Variants in XIRP2 observed in about 807,000 individuals in gnomAD.
XIRP2 encodes xin actin-binding repeat-containing protein 2.
In XIRP2, 236 loss-of-function variants were observed where a neutral mutation model predicts 277.0. That is an observed-to-expected ratio of 0.85 (90% CI 0.77 to 0.95). The LOEUF (loss-of-function observed/expected upper bound fraction) is 0.95. XIRP2 is among the 40% of genes least tolerant of loss of function. The pLI, the probability that XIRP2 is intolerant of heterozygous loss-of-function variation, is 0.00. For synonymous variants in XIRP2, 1,490 were observed against 1,416.5 expected (o/e 1.05, Z -1.17); for missense variants, 4,640 against 4,157.5 (o/e 1.12, Z -3.19).
chr2:167,250,551 A>G lies in XIRP2; in HGVS notation c.9159A>G (p.Ser3053=), dbSNP rs1048292607. The change falls in exon 9 of 11, where the codon TCA becomes TCG. Residue 3053 remains serine (S), a synonymous_variant. Coordinates refer to ENST00000409195, the MANE Select transcript of XIRP2 (RefSeq NM_152381.6). ...AACCCACTAGTCTTGATGAAACATC[A>G]TCCAAAGTATCTAATGTTCATGTCA... ...GNKPTSLDET[S]SKVSNVHVSN... 6 of 1,613,712 alleles carry G rather than the reference A, an allele frequency of 3.7e-6. No homozygotes were observed. The highest frequency in any genetic ancestry group is 4.2e-6 in the Non-Finnish European group (5 of 1,179,744).
In XIRP2 at chr2:167,251,247, C is replaced by T. The variant is rs755958864; in HGVS notation, c.9855C>T (p.Pro3285=). Residue 3285 remains proline (P), a synonymous_variant, in exon 9 of 11, where the codon CCC becomes CCT. Transcript: ENST00000409195. ...TAAATTCCACTGATCACATGGTGCC[C>T]GACACTGAAAGTTATGATGCAGTTG... The part of the protein sequence containing the change: ...DGLNSTDHMV[P]DTESYDAVEI... 6.8e-6 allele frequency: 11 copies of T among 1,613,468 alleles called. No homozygotes were observed. The highest frequency in any genetic ancestry group is 2.7e-5 in the African/African-American group (2 of 74,918).
intron 3 of XIRP2, among the ~76,000 whole-genome samples, chr2:167,164,149 C>A (rs557066780): frequency 1.4e-3 from 218 of 152,168 alleles, no homozygotes; most frequent in African/African-American, 4.8e-3. Flanking sequence ...TTAGAATTAA[C>A]TTGTGAATTG....
At chr2:166,935,360 A>T (rs1387923910) in intron 2 of XIRP2, among the ~76,000 whole-genome samples, 1 of 152,220 alleles carries the variant, frequency 6.6e-6, no homozygotes, top group Non-Finnish European at 1.5e-5. Context: ...ATAGAAGTAC[A>T]GATAGCTAGA....
chr2:167,136,371 A>G (rs1241823680), intron 3 of XIRP2, among the ~76,000 whole-genome samples: 1 of 152,190 alleles, frequency 6.6e-6, no homozygotes, highest in Non-Finnish European at 1.5e-5. Flanking sequence ...AACTTTTGTG[A>G]AAATAAAAGG....
At position 167,048,661 on chromosome 2, in the gene XIRP2, T is replaced by C. The variant is rs1265959905; in HGVS notation, c.409-87248T>C. On this transcript the variant is annotated intron_variant, in intron 2 of 10. Coordinates refer to ENST00000409195, the MANE Select transcript of XIRP2 (RefSeq NM_152381.6). ...AAATTGCCTAAATCAGATCACTGAATAAACTTGTTATAAGGGGATTTCAAA... is the reference window on the plus strand; with the variant it reads ...AAATTGCCTAAATCAGATCACTGAACAAACTTGTTATAAGGGGATTTCAAA... 2.0e-5 allele frequency among the ~76,000 whole-genome samples: 3 copies of C among 151,862 alleles called. No individual in the cohort carries two copies. The East Asian group carries it at 5.8e-4, about 29-fold the overall frequency.
At chr2:166,906,863 G>T (rs1489524329) in intron 2 of XIRP2, among the ~76,000 whole-genome samples, 2 of 152,096 alleles carry the variant, frequency 1.3e-5, no homozygotes, top group South Asian at 2.1e-4. Context: ...TGAGCAAGGG[G>T]TTGCTATGAT....
At position 167,250,843 on chromosome 2, in the gene XIRP2, G is replaced by C. The variant is rs189318877; in HGVS notation, c.9451G>C (p.Val3151Leu). Residue 3151 changes from valine to leucine, a missense_variant, in exon 9 of 11, where the codon GTT becomes CTT. By Grantham distance (32) the Val-to-Leu change is conservative. Transcript: ENST00000409195. ...LSQSPKKDSY[V>L]EPPPRRPMSQ... is the part of the protein sequence containing the mutation. ...TCAGTCCCCTAAAAAGGACAGTTAT[G>C]TTGAACCCCCACCAAGAAGGCCCAT... 790 of 1,613,428 alleles carry C rather than the reference G, an allele frequency of 4.9e-4. 3 individuals are homozygous for C. The African/African-American group carries it at 9.1e-3, about 19-fold the overall frequency.
intron 3 of XIRP2, among the ~76,000 whole-genome samples, chr2:167,209,555 GTC>G (rs1693960658): frequency 6.6e-6 from 1 of 152,012 alleles, no homozygotes; most frequent in African/African-American, 2.4e-5. Flanking sequence ...TACCCTGTAA[GTC>G]CCAGAAACTA....
chr2:166,908,042 C>CT (rs1684577985), intron 2 of XIRP2, among the ~76,000 whole-genome samples: 1 of 151,920 alleles, frequency 6.6e-6, no homozygotes, highest in African/African-American at 2.4e-5. Flanking sequence ...GGTTCCAAGT[C>CT]TTTGCTATTG....
intron 2 of XIRP2, among the ~76,000 whole-genome samples, chr2:167,122,838 A>G (rs1378348632): frequency 1.3e-5 from 2 of 152,178 alleles, no homozygotes; most frequent in Non-Finnish European, 2.9e-5. Context: ...TTTTGAGAAC[A>G]TGTCTTACTG....
At chr2:167,114,268 C>T (rs1251679019) in intron 2 of XIRP2, among the ~76,000 whole-genome samples, 3 of 152,090 alleles carry the variant, frequency 2.0e-5, no homozygotes, top group Non-Finnish European at 1.5e-5. Context: ...GACGCCAATG[C>T]GTCATAGATG....
intron 2 of XIRP2, among the ~76,000 whole-genome samples, chr2:166,917,807 C>T (rs1472205438): frequency 1.3e-5 from 2 of 152,046 alleles, no homozygotes; most frequent in African/African-American, 2.4e-5. Flanking sequence ...GTTAGGAGCC[C>T]GATTCTTTTA....
At chr2:167,217,922 A>G (rs185539998) in intron 4 of XIRP2, among the ~76,000 whole-genome samples, 26 of 152,296 alleles carry the variant, frequency 1.7e-4, no homozygotes, top group African/African-American at 6.0e-4. Flanking sequence ...TGAGATTAGA[A>G]GAATTAACTC....
At chr2:166,953,886 T>A (rs1686098210) in intron 2 of XIRP2, among the ~76,000 whole-genome samples, 1 of 151,954 alleles carries the variant, frequency 6.6e-6, no homozygotes, top group South Asian at 2.1e-4. Context: ...TATACAGTCT[T>A]CATTTTTAAA....
In XIRP2 at chr2:167,024,081, C is replaced by T. The variant is rs1030898299; in HGVS notation, c.409-111828C>T. Among the ~76,000 whole-genome samples, 116 of 151,362 alleles carry T rather than the reference C, an allele frequency of 7.7e-4. 1 individual carries two copies. Among genetic ancestry groups the T allele is most frequent in the African/African-American group, 2.8e-3 (114 of 41,072 alleles). ...ATTTTCATGATATTGATTCTTCCTA[C>T]CCATGAGCATGGAATGTTCTTCCAT... On this transcript the variant is annotated intron_variant, in intron 2 of 10. Coordinates refer to ENST00000409195, the MANE Select transcript of XIRP2 (RefSeq NM_152381.6).
At position 167,019,858 on chromosome 2, in the gene XIRP2, C is replaced by T. The variant is rs1687933718; in HGVS notation, c.408+115968C>T. On this transcript the variant is annotated intron_variant, in intron 2 of 10. Transcript: ENST00000409195. ...AAAAATTGTCACATTTTAATGACTG[C>T]ATTAAAACTTATATACATTTTATAG... 1.3e-5 allele frequency among the ~76,000 whole-genome samples: 2 copies of T among 151,988 alleles called. 1 individual carries two copies. The highest frequency in any genetic ancestry group is 4.1e-4 in the South Asian group (2 of 4,832).
At chr2:167,226,350 T>G (rs1480604510) in intron 5 of XIRP2, among the ~76,000 whole-genome samples, 1 of 152,160 alleles carries the variant, frequency 6.6e-6, no homozygotes, top group Non-Finnish European at 1.5e-5. Flanking sequence ...GTGTCTCTTC[T>G]CTTCCTACCC....
Position 167,135,986 on chromosome 2 carries a change from A to C in XIRP2, c.486A>C (p.Lys162Asn), listed in dbSNP as rs770035004. Residue 162 changes from lysine (K) to asparagine (N), a missense_variant, in exon 3 of 11, where the codon AAA becomes AAC. Transcript: ENST00000409195. ...HPGSQLEDSVKDSDKKGKETS... is the reference protein window; with the variant it reads ...HPGSQLEDSVNDSDKKGKETS... Reference sequence around the variant, plus strand: ...GGAGCCAGCTGGAGGATTCTGTGAAAGATTCAGACAAGAAAGGCAAGGAAA... The same window carrying C: ...GGAGCCAGCTGGAGGATTCTGTGAACGATTCAGACAAGAAAGGCAAGGAAA... 1 of 1,612,490 alleles carries C rather than the reference A, an allele frequency of 6.2e-7. No individual in the cohort carries two copies. Among genetic ancestry groups the C allele is most frequent in the Admixed American group, 1.7e-5 (1 of 59,634 alleles).
chr2:167,183,759 A>G (rs1287640299), intron 3 of XIRP2, among the ~76,000 whole-genome samples: 2 of 149,600 alleles, frequency 1.3e-5, no homozygotes, highest in African/African-American at 4.9e-5. Context: ...TTTTTTTTTT[A>G]GTATCAATGA....
Sources: gnomAD v4.1 joint callset for allele counts (sites outside exome capture counted in the v4.1 genomes callset) on GRCh38, gnomAD v4.1.1 for gene constraint, MANE v1.5 for transcripts, NCBI Gene and HGNC (gene_info 2026-07-23, HGNC 2026-07-21) for gene names.